The following TMEM117 variants were observed in gnomAD, a reference collection of about 807,000 sequenced individuals.
The protein encoded by TMEM117 is transmembrane protein 117.
Under a neutral mutation model 52.4 loss-of-function variants are expected in TMEM117, and 27 were observed. The ratio of observed to expected loss-of-function variants is 0.51; its 90% CI spans 0.38 to 0.71. The LOEUF (loss-of-function observed/expected upper bound fraction) is 0.71, where lower values mean the gene tolerates loss of function less well. Among genes scored for constraint, TMEM117 ranks in the 30% least tolerant of loss-of-function variants. The pLI is 0.00. For synonymous variants in TMEM117, 215 were observed against 206.3 expected (o/e 1.04, Z -0.36); for missense variants, 556 against 630.5 (o/e 0.88, Z 1.26).
At chr12:43,984,456 A>G (rs1194324496) in intron 3 of TMEM117, among the ~76,000 whole-genome samples, 1 of 152,156 alleles carries the variant, frequency 6.6e-6, no homozygotes, top group Non-Finnish European at 1.5e-5. Flanking sequence ...GTGTACCATG[A>G]CTACTATATT....
At chr12:44,071,569 G>A (rs1947302604) in intron 3 of TMEM117, among the ~76,000 whole-genome samples, 1 of 152,078 alleles carries the variant, frequency 6.6e-6, no homozygotes. Context: ...GAAATTTAGA[G>A]CTATAATTAA....
At position 44,219,235 on chromosome 12, in the gene TMEM117, C is replaced by T. The variant is rs140887435; in HGVS notation, c.608+7848C>T. Among the ~76,000 whole-genome samples the T allele has an allele frequency of 3.7e-4, 57 of 152,242 alleles. 1 individual carries two copies. The East Asian group carries it at 0.011, about 28-fold the overall frequency. On this transcript the variant is annotated intron_variant, in intron 5 of 7. Transcript: ENST00000266534. ...AAATTAATGTTTCTGTGGCAGTGAGCACCCAGGACTACTGATTCCTGGTCT... is the reference window on the plus strand; with the variant it reads ...AAATTAATGTTTCTGTGGCAGTGAGTACCCAGGACTACTGATTCCTGGTCT...
chr12:43,889,991 A>G (rs1034910461), intron 2 of TMEM117, among the ~76,000 whole-genome samples: 4 of 152,162 alleles, frequency 2.6e-5, no homozygotes, highest in Non-Finnish European at 5.9e-5. Context: ...CCTTCAGAGT[A>G]GGCCTGAGTG....
chr12:43,972,720 A>G (rs950589246), intron 3 of TMEM117, among the ~76,000 whole-genome samples: 2 of 152,068 alleles, frequency 1.3e-5, no homozygotes, highest in Non-Finnish European at 2.9e-5. Context: ...ACAAACCTCT[A>G]GCTAGCTACA....
At chr12:44,260,112 CTT>C (rs1343097593) in intron 5 of TMEM117, among the ~76,000 whole-genome samples, 1 of 152,192 alleles carries the variant, frequency 6.6e-6, no homozygotes, top group East Asian at 1.9e-4. Flanking sequence ...CAAGAAGCGT[CTT>C]TCCATGACAC....
intron 2 of TMEM117, among the ~76,000 whole-genome samples, chr12:43,889,419 G>A (rs1592336484): frequency 6.6e-6 from 1 of 152,058 alleles, no homozygotes; most frequent in Non-Finnish European, 1.5e-5. Context: ...TAGATCCCTC[G>A]CATGTGCAGT....
the TMEM117 span, among the ~76,000 whole-genome samples, chr12:43,796,527 C>T: frequency 6.6e-6 from 1 of 152,120 alleles, no homozygotes. Context: ...AGACTCCCAA[C>T]CATCCCATAA....
intron 5 of TMEM117, among the ~76,000 whole-genome samples, chr12:44,287,018 A>G (rs2138610865): frequency 6.6e-6 from 1 of 152,296 alleles, no homozygotes; most frequent in South Asian, 2.1e-4. Flanking sequence ...TGTTCACTTT[A>G]CCGAGATCTT....
At chr12:44,040,345 C>A (rs923985716) in intron 3 of TMEM117, among the ~76,000 whole-genome samples, 4 of 152,046 alleles carry the variant, frequency 2.6e-5, no homozygotes, top group African/African-American at 9.7e-5. Context: ...CGACTTCTTG[C>A]GAGCTGTACA....
intron 5 of TMEM117, among the ~76,000 whole-genome samples, chr12:44,250,461 C>T (rs1466339673): frequency 1.3e-5 from 2 of 152,072 alleles, no homozygotes; most frequent in Non-Finnish European, 2.9e-5. Flanking sequence ...CCAGAAATAC[C>T]ATTTGACCCA....
At chr12:44,350,055 T>C (rs1226658924) in intron 6 of TMEM117, among the ~76,000 whole-genome samples, 1 of 152,042 alleles carries the variant, frequency 6.6e-6, no homozygotes, top group Admixed American at 6.6e-5. Flanking sequence ...TCTGTTCTTA[T>C]CCAAAGCATA....
chr12:44,008,941 C>A, intron 3 of TMEM117: 1 of 380,466 alleles, frequency 2.6e-6, no homozygotes. Context: ...GATCTGAACT[C>A]CATCTAAACC....
intron 4 of TMEM117, among the ~76,000 whole-genome samples, chr12:44,177,280 A>G (rs1205459953): frequency 6.6e-6 from 1 of 152,192 alleles, no homozygotes; most frequent in Non-Finnish European, 1.5e-5. Context: ...TGGGCAAAAT[A>G]TTATTGAGCA....
intron 3 of TMEM117, among the ~76,000 whole-genome samples, chr12:44,100,467 A>G (rs1360727146): frequency 6.6e-6 from 1 of 152,012 alleles, no homozygotes; most frequent in Non-Finnish European, 1.5e-5. Context: ...CTAATGCTTC[A>G]GATCATGGGA....
intron 6 of TMEM117, among the ~76,000 whole-genome samples, chr12:44,371,890 A>C (rs1055341163): frequency 1.3e-5 from 2 of 152,204 alleles, no homozygotes; most frequent in Admixed American, 6.5e-5. Flanking sequence ...AACCATCCAT[A>C]TATGTAAAAA....
At chr12:44,132,966 A>T (rs913754475) in intron 3 of TMEM117, among the ~76,000 whole-genome samples, 16 of 152,180 alleles carry the variant, frequency 1.1e-4, no homozygotes, top group African/African-American at 3.6e-4. Flanking sequence ...CTTACACCTG[A>T]ATCAGATGGT....
chr12:43,954,271 T>C (rs1212100426), intron 3 of TMEM117, among the ~76,000 whole-genome samples: 1 of 151,816 alleles, frequency 6.6e-6, no homozygotes, highest in Non-Finnish European at 1.5e-5. Flanking sequence ...ACAAATCTCA[T>C]AGTTAGCAGA....
chr12:44,140,329 T>G (rs1465166805), intron 3 of TMEM117, among the ~76,000 whole-genome samples: 2 of 152,242 alleles, frequency 1.3e-5, no homozygotes, highest in African/African-American at 4.8e-5. Flanking sequence ...TTCAATCTCA[T>G]TTTATTGCTG....
chr12:43,922,559 C>T (rs932631300), intron 2 of TMEM117, among the ~76,000 whole-genome samples: 7 of 152,206 alleles, frequency 4.6e-5, no homozygotes, highest in South Asian at 2.1e-4. Flanking sequence ...TAGGGCGTTC[C>T]GTTTGGCTTC....
Sources: gnomAD v4.1 joint callset for allele counts (sites outside exome capture counted in the v4.1 genomes callset) on GRCh38, gnomAD v4.1.1 for gene constraint, MANE v1.5 for transcripts, NCBI Gene and HGNC (gene_info 2026-07-23, HGNC 2026-07-21) for gene names.